The following SPAST variants were observed in gnomAD, a reference collection of about 807,000 sequenced individuals.
SPAST encodes the protein spastic paraplegia 4 (autosomal dominant; spastin).
Under a neutral mutation model 76.6 loss-of-function variants are expected in SPAST, and 30 were observed. The ratio of observed to expected loss-of-function variants is 0.39; its 90% CI spans 0.29 to 0.53. SPAST has a LOEUF of 0.53. Among genes scored for constraint, SPAST ranks in the 20% least tolerant of loss-of-function variants. SPAST has a pLI of 0.68. For synonymous variants in SPAST, 305 were observed against 281.0 expected (o/e 1.09, Z -0.86); for missense variants, 717 against 770.5 (o/e 0.93, Z 0.82).
chr2:32,110,633 G>GTAGTATATATAGTATATATAGTA (rs1011268899), intron 4 of SPAST, among the ~76,000 whole-genome samples: 3 of 130,302 alleles, frequency 2.3e-5, no homozygotes, highest in East Asian at 4.2e-4. Flanking sequence ...TATAGTATAT[G>GTAGTATATATAGTATATATAGTA]TAGTATATAT....
chr2:32,123,430 TA>T (rs1304297840), intron 7 of SPAST, among the ~76,000 whole-genome samples: 1 of 152,150 alleles, frequency 6.6e-6, no homozygotes. Context: ...ACAGGGAGAC[TA>T]AATATTATTG....
At chr2:32,107,076 C>T (rs1678352534) in intron 4 of SPAST, among the ~76,000 whole-genome samples, 2 of 151,914 alleles carry the variant, frequency 1.3e-5, no homozygotes, top group African/African-American at 4.8e-5. Context: ...CATGCTAGAC[C>T]CCATCATGTT....
At chr2:32,153,044 C>A (rs1172076405) in intron 16 of SPAST, among the ~76,000 whole-genome samples, 4 of 152,016 alleles carry the variant, frequency 2.6e-5, no homozygotes, top group African/African-American at 9.7e-5. Flanking sequence ...CCACTGCAGC[C>A]AGCCTATATT....
chr2:32,078,550 T>C (rs1677068680), intron 1 of SPAST, among the ~76,000 whole-genome samples: 1 of 152,104 alleles, frequency 6.6e-6, no homozygotes, highest in Non-Finnish European at 1.5e-5. Context: ...CTCAGAAGGC[T>C]GAAGTGAAAG....
rs7582878 is a variant in SPAST at position 32,137,834 on chromosome 2, C to T, written c.1493+646C>T. Among the ~76,000 whole-genome samples, 896 of 152,208 alleles carry T rather than the reference C, an allele frequency of 5.9e-3. 10 individuals are homozygous for T. The highest frequency in any genetic ancestry group is 0.02 in the African/African-American group (835 of 41,532). ...TGCTTTCTTCCCCCATGTAGTAGTC[C>T]GCAGTGTGTATTGTTCCCATGTTTA... is the stretch of plus-strand genomic sequence containing the variant. On this transcript the variant is annotated intron_variant, in intron 12 of 16. Coordinates refer to ENST00000315285, the MANE Select transcript of SPAST (RefSeq NM_014946.4).
At position 32,154,408 on chromosome 2, in the gene SPAST, C is replaced by G; in HGVS notation, c.1763C>G (p.Ser588Cys). 1.2e-6 allele frequency: 2 copies of G among 1,612,910 alleles called. No individual in the cohort carries two copies. The highest frequency in any genetic ancestry group is 1.7e-6 in the Non-Finnish European group (2 of 1,179,044). Residue 588 changes from serine (S) to cysteine (C), a missense_variant, in exon 17 of 17, where the codon TCC becomes TGC. Physicochemically the swap from Ser to Cys is moderately radical, Grantham distance 112. Coordinates refer to ENST00000315285, the MANE Select transcript of SPAST (RefSeq NM_014946.4). ...ATTCGATTATCTGACTTCACTGAAT[C>G]CTTGAAAAAAATAAAACGCAGCGTC... ...RNIRLSDFTE[S>C]LKKIKRSVSP... is the part of the protein sequence containing the mutation.
At chr2:32,136,322 A>G (rs985453317) in intron 9 of SPAST, among the ~76,000 whole-genome samples, 1 of 152,160 alleles carries the variant, frequency 6.6e-6, no homozygotes, top group African/African-American at 2.4e-5. Flanking sequence ...AGTCTTAGGA[A>G]TGCAGGGTGA....
intron 2 of SPAST, among the ~76,000 whole-genome samples, chr2:32,087,927 A>G (rs1395376872): frequency 6.6e-6 from 1 of 151,202 alleles, no homozygotes; most frequent in Non-Finnish European, 1.5e-5. Flanking sequence ...TCTTTTGCCC[A>G]GGCTGTAGTG....
At chr2:32,067,784 G>C (rs1257054396) in intron 1 of SPAST, among the ~76,000 whole-genome samples, 1 of 146,286 alleles carries the variant, frequency 6.8e-6, no homozygotes, top group African/African-American at 2.5e-5. Context: ...CTAGAGATAG[G>C]ATCTTGTTAT....
At chr2:32,093,450 C>G (rs1373666066) in intron 3 of SPAST, among the ~76,000 whole-genome samples, 2 of 152,154 alleles carry the variant, frequency 1.3e-5, no homozygotes, top group East Asian at 1.9e-4. Flanking sequence ...CCACTGCACT[C>G]TAGCCTGGAT....
chr2:32,153,707 T>C (rs1680162514), intron 16 of SPAST, among the ~76,000 whole-genome samples: 2 of 152,330 alleles, frequency 1.3e-5, no homozygotes, highest in Middle Eastern at 6.8e-3. Flanking sequence ...AGATATTCAT[T>C]AACTCAGCAT....
chr2:32,133,067 T>C (rs1000706210), intron 9 of SPAST, among the ~76,000 whole-genome samples: 1 of 150,870 alleles, frequency 6.6e-6, no homozygotes, highest in Non-Finnish European at 1.5e-5. Context: ...AGCAGCAGCA[T>C]TGTGTAATAT....
In SPAST at chr2:32,147,256, G is replaced by C; in HGVS notation, c.1726G>C (p.Glu576Gln). 6.3e-7 allele frequency: 1 copy of C among 1,594,610 alleles called. No individual in the cohort carries two copies. The highest frequency in any genetic ancestry group is 8.6e-7 in the Non-Finnish European group (1 of 1,164,006). ...ACAGGTGAAGAATATGTCTGCCAGTGAGGTATAGTATTTTACAATGATATT... is the reference window on the plus strand; with the variant it reads ...ACAGGTGAAGAATATGTCTGCCAGTCAGGTATAGTATTTTACAATGATATT... ...PEQVKNMSAS[E>Q]MRNIRLSDFT... The change falls in exon 16 of 17, where the codon GAG becomes CAG. Residue 576 changes from glutamate (E) to glutamine (Q), a missense_variant and splice_region_variant. Glu to Gln is a conservative substitution (Grantham distance 29). Around this residue, in one of 3 missense-constraint regions of SPAST, gnomAD observed 96 missense variants for 127.6 expected, o/e 0.75. Transcript: ENST00000315285.
intron 16 of SPAST, among the ~76,000 whole-genome samples, chr2:32,152,366 G>A (rs1365504598): frequency 6.6e-6 from 1 of 152,044 alleles, no homozygotes; most frequent in Non-Finnish European, 1.5e-5. Flanking sequence ...TCAGGAATTC[G>A]AGACCAGCCT....
intron 9 of SPAST, chr2:32,129,665 C>G (rs1391211350): frequency 6.6e-6 from 1 of 152,174 alleles, no homozygotes; most frequent in Non-Finnish European, 1.5e-5. Context: ...GCCCCCTCCC[C>G]CTCCCAATGA....
intron 1 of SPAST, among the ~76,000 whole-genome samples, chr2:32,067,079 T>G (rs538085348): frequency 6.6e-6 from 1 of 152,192 alleles, no homozygotes; most frequent in African/African-American, 2.4e-5. Context: ...TGTTTATTTT[T>G]GAGACGGAGT....
chr2:32,091,104 A>G (rs1017979435), intron 3 of SPAST, among the ~76,000 whole-genome samples: 2 of 151,992 alleles, frequency 1.3e-5, no homozygotes, highest in African/African-American at 2.4e-5. Flanking sequence ...CCTACTACAT[A>G]TGAGTGGCTC....
chr2:32,124,380 C>T (rs751769564), intron 7 of SPAST, among the ~76,000 whole-genome samples: 25 of 152,146 alleles, frequency 1.6e-4, no homozygotes, highest in Non-Finnish European at 3.5e-4. Flanking sequence ...CAAATTCTGG[C>T]AGGGATGTGG....
chr2:32,133,689 A>AC (rs1679443541), intron 9 of SPAST, among the ~76,000 whole-genome samples: 1 of 151,724 alleles, frequency 6.6e-6, no homozygotes, highest in Non-Finnish European at 1.5e-5. Context: ...CATAGTTCTT[A>AC]CCAGTTTACA....
Sources: allele counts gnomAD v4.1 joint callset (sites outside exome capture counted in the v4.1 genomes callset), GRCh38; gene constraint gnomAD v4.1.1; regional missense constraint gnomAD v4.1.1; transcripts MANE v1.5; gene names NCBI Gene and HGNC (gene_info 2026-07-23, HGNC 2026-07-21).